SLC8A1: variants seen among roughly 807,000 people sequenced by gnomAD.
The protein encoded by SLC8A1 is solute carrier family 8 member A1.
A neutral mutation model predicts 68.3 loss-of-function variants in SLC8A1; 18 were observed. That is an observed-to-expected ratio of 0.26 (90% CI 0.18 to 0.39). SLC8A1 has a LOEUF of 0.39. Among genes scored for constraint, SLC8A1 ranks in the 10% least tolerant of loss-of-function variants. The pLI is 1.00. For missense variants in SLC8A1, 985 were observed against 1,156.7 expected, an observed-to-expected ratio of 0.85 and a Z score of 2.15; for synonymous variants, 475 against 415.5, an observed-to-expected ratio of 1.14 and a Z score of -1.74.
intron 2 of SLC8A1, among the ~76,000 whole-genome samples, chr2:40,205,603 C>T (rs2055268219): frequency 6.6e-6 from 1 of 151,914 alleles, no homozygotes. Flanking sequence ...TTGATGAGAA[C>T]ACATGGACAC....
intron 1 of SLC8A1, among the ~76,000 whole-genome samples, chr2:40,501,250 T>C (rs557948947): frequency 9.9e-4 from 150 of 152,204 alleles, no homozygotes; most frequent in Non-Finnish European, 1.6e-3. Flanking sequence ...TTACTTTGTA[T>C]TTGTTTTCTG....
chr2:40,400,545 G>C (rs918761522), intron 2 of SLC8A1, among the ~76,000 whole-genome samples: 1 of 152,178 alleles, frequency 6.6e-6, no homozygotes, highest in Non-Finnish European at 1.5e-5. Flanking sequence ...CTGAGTCAAA[G>C]TCCTTTGTAA....
chr2:40,122,231 C>CACACACACACGTGT (rs900492381), intron 7 of SLC8A1, among the ~76,000 whole-genome samples: 1 of 110,570 alleles, frequency 9.0e-6, no homozygotes, highest in Non-Finnish European at 2.1e-5. Context: ...CACACGTGTG[C>CACACACACACGTGT]GCGCGCACAC....
intron 1 of SLC8A1, among the ~76,000 whole-genome samples, chr2:40,510,343 A>G (rs1252017880): frequency 6.6e-6 from 1 of 152,296 alleles, no homozygotes; most frequent in East Asian, 1.9e-4. Flanking sequence ...GTCATTGTCT[A>G]TTACTTATAT....
chr2:40,231,007 T>C (rs534817650), intron 2 of SLC8A1, among the ~76,000 whole-genome samples: 1 of 152,272 alleles, frequency 6.6e-6, no homozygotes, highest in East Asian at 1.9e-4. Flanking sequence ...AAGTTGGAAA[T>C]GAAGCCCAAT....
intron 2 of SLC8A1, among the ~76,000 whole-genome samples, chr2:40,411,074 A>G (rs1206168317): frequency 6.6e-6 from 1 of 152,080 alleles, no homozygotes; most frequent in Non-Finnish European, 1.5e-5. Flanking sequence ...GTTGTATGGC[A>G]CTAAGACTTT....
chr2:40,470,678 G>T (rs1370641825), intron 1 of SLC8A1, among the ~76,000 whole-genome samples: 1 of 151,716 alleles, frequency 6.6e-6, no homozygotes, highest in Non-Finnish European at 1.5e-5. Flanking sequence ...AAAAATAAAA[G>T]ACTATCCCTC....
intron 2 of SLC8A1, among the ~76,000 whole-genome samples, chr2:40,242,624 C>T (rs768875932): frequency 6.6e-6 from 1 of 152,246 alleles, no homozygotes; most frequent in East Asian, 1.9e-4. Flanking sequence ...GCCACCACTT[C>T]TTTGCATTAG....
At chr2:40,205,308 G>A (rs2055188542) in intron 2 of SLC8A1, among the ~76,000 whole-genome samples, 1 of 151,926 alleles carries the variant, frequency 6.6e-6, no homozygotes, top group South Asian at 2.1e-4. Flanking sequence ...GGCAAAATAA[G>A]GCCCTCTCTC....
rs570394689 is a variant in SLC8A1 at position 40,385,288 on chromosome 2, A to G, written c.1808+43185T>C. Among the ~76,000 whole-genome samples the G allele has an allele frequency of 2.4e-4, 35 of 146,558 alleles. 1 individual carries two copies. Among genetic ancestry groups the G allele is most frequent in the South Asian group, 8.3e-4 (4 of 4,824 alleles). ...CAAGTTTTATAAGGAACAGTTTTTG[A>G]GACATACTACTGTAACTCTGGGCTT... On this transcript the variant is annotated intron_variant, in intron 2 of 7. Transcript: ENST00000406785.
intron 2 of SLC8A1, among the ~76,000 whole-genome samples, chr2:40,315,318 T>G (rs1388584647): frequency 6.6e-6 from 1 of 151,928 alleles, no homozygotes; most frequent in Non-Finnish European, 1.5e-5. Context: ...TAACATTTTA[T>G]TATTATTAAT....
chr2:40,186,975 ATTC>A (rs1213309457), intron 2 of SLC8A1, among the ~76,000 whole-genome samples: 26 of 152,212 alleles, frequency 1.7e-4, no homozygotes, highest in Non-Finnish European at 1.5e-5. Context: ...AGGTACTATT[ATTC>A]TTATTAGTTG....
chr2:40,113,160 T>G (rs974961957), exon 8 of SLC8A1: 3 of 152,210 alleles, frequency 2.0e-5, no homozygotes, highest in African/African-American at 7.2e-5. Flanking sequence ...TAACCAGCAT[T>G]TAATTACTCA....
chr2:40,394,464 T>A (rs1031692057), intron 2 of SLC8A1, among the ~76,000 whole-genome samples: 2 of 152,076 alleles, frequency 1.3e-5, no homozygotes, highest in African/African-American at 4.8e-5. Context: ...TGCGTGTGTG[T>A]GTGGTGTGTG....
At chr2:40,221,717 C>T (rs967037521) in intron 2 of SLC8A1, among the ~76,000 whole-genome samples, 2 of 152,144 alleles carry the variant, frequency 1.3e-5, no homozygotes, top group Non-Finnish European at 2.9e-5. Flanking sequence ...ACAAGTCTTC[C>T]TATACAGCAA....
chr2:40,124,965 T>C (rs1006850237), intron 7 of SLC8A1, among the ~76,000 whole-genome samples: 3 of 152,216 alleles, frequency 2.0e-5, no homozygotes, highest in Non-Finnish European at 2.9e-5. Flanking sequence ...TGTCCCAGGA[T>C]TTCACAATTT....
intron 4 of SLC8A1, among the ~76,000 whole-genome samples, chr2:40,168,948 T>C (rs2047002906): frequency 6.6e-6 from 1 of 152,212 alleles, no homozygotes; most frequent in African/African-American, 2.4e-5. Flanking sequence ...CTAAAATCAA[T>C]ATTGACAGGA....
At chr2:40,115,968 G>A (rs985733088) in intron 7 of SLC8A1, among the ~76,000 whole-genome samples, 1 of 152,134 alleles carries the variant, frequency 6.6e-6, no homozygotes, top group African/African-American at 2.4e-5. Flanking sequence ...AATCAAGTGG[G>A]GTCCTTTCAA....
intron 1 of SLC8A1, among the ~76,000 whole-genome samples, chr2:40,484,666 A>G (rs1576648772): frequency 6.6e-6 from 1 of 152,340 alleles, no homozygotes; most frequent in South Asian, 2.1e-4. Flanking sequence ...GAGGGTTGGT[A>G]CTATCAGCTG....
Sources: allele counts gnomAD v4.1 joint callset (sites outside exome capture counted in the v4.1 genomes callset), GRCh38; gene constraint gnomAD v4.1.1; transcripts MANE v1.5; gene names NCBI Gene and HGNC (gene_info 2026-07-23, HGNC 2026-07-21).